The following ARB2A variants were observed in gnomAD, a reference collection of about 807,000 sequenced individuals.
ARB2A encodes the protein ARB2 cotranscriptional regulator A.
chr5:94,009,599 A>C, the ARB2A span, among the ~76,000 whole-genome samples: 1 of 152,126 alleles, frequency 6.6e-6, no homozygotes, highest in African/African-American at 2.4e-5. Context: ...AATTTACAAT[A>C]ACATTAGCAT....
the ARB2A span, among the ~76,000 whole-genome samples, chr5:93,699,282 A>G: frequency 1.3e-5 from 2 of 152,314 alleles, no homozygotes; most frequent in African/African-American, 4.8e-5. Flanking sequence ...TAATGAATAA[A>G]GCCCTCTAGG....
chr5:94,036,016 AT>A, the ARB2A span, among the ~76,000 whole-genome samples: 92 of 151,796 alleles, frequency 6.1e-4, no homozygotes, highest in African/African-American at 2.2e-3. Flanking sequence ...AAAAAATAAA[AT>A]TAAAAAAAAC....
the ARB2A span, among the ~76,000 whole-genome samples, chr5:93,653,985 G>T: frequency 6.6e-6 from 1 of 152,156 alleles, no homozygotes; most frequent in Admixed American, 6.5e-5. Flanking sequence ...TCCTGATTTT[G>T]CATTTTAAAA....
At chr5:93,696,568 A>G in the ARB2A span, among the ~76,000 whole-genome samples, 1 of 152,180 alleles carries the variant, frequency 6.6e-6, no homozygotes, top group African/African-American at 2.4e-5. Context: ...TGGAAGTATT[A>G]TATTAGAGCA....
At chr5:94,100,486 G>A in the ARB2A span, among the ~76,000 whole-genome samples, 1 of 151,874 alleles carries the variant, frequency 6.6e-6, no homozygotes, top group African/African-American at 2.4e-5. Flanking sequence ...CCAACACAAC[G>A]CTAAGCAAAA....
chr5:94,048,202 G>A, the ARB2A span, among the ~76,000 whole-genome samples: 1 of 151,766 alleles, frequency 6.6e-6, no homozygotes, highest in African/African-American at 2.4e-5. Context: ...TTACAGGGGC[G>A]CAACACCACA....
the ARB2A span, chr5:93,861,310 T>C: frequency 9.3e-3 from 1 of 108 alleles, no homozygotes; most frequent in African/African-American, 0.024. Flanking sequence ...CTTTTTTTCT[T>C]TTTTTTTTTT....
the ARB2A span, chr5:93,784,384 T>C: frequency 6.2e-7 from 1 of 1,612,030 alleles, no homozygotes; most frequent in Non-Finnish European, 8.5e-7. Flanking sequence ...AAGTCTCACC[T>C]CTCTCATCCA....
chr5:93,804,650 A>G, the ARB2A span, among the ~76,000 whole-genome samples: 1 of 151,726 alleles, frequency 6.6e-6, no homozygotes, highest in African/African-American at 2.4e-5. Flanking sequence ...TTATTAGCCA[A>G]TATATATATT....
At chr5:93,727,030 A>G in the ARB2A span, among the ~76,000 whole-genome samples, 1 of 152,004 alleles carries the variant, frequency 6.6e-6, no homozygotes, top group Non-Finnish European at 1.5e-5. Flanking sequence ...GTAGTGGGAG[A>G]GAGGGAGTTT....
At chr5:93,756,065 G>A in the ARB2A span, among the ~76,000 whole-genome samples, 1 of 152,166 alleles carries the variant, frequency 6.6e-6, no homozygotes, top group Non-Finnish European at 1.5e-5. Flanking sequence ...CAGCCCTTCA[G>A]TATGTGTGGG....
At chr5:93,907,318 C>T in the ARB2A span, among the ~76,000 whole-genome samples, 2 of 151,384 alleles carry the variant, frequency 1.3e-5, no homozygotes, top group East Asian at 3.9e-4. Context: ...AAGAAATCTG[C>T]ACACTTTTAA....
the ARB2A span, among the ~76,000 whole-genome samples, chr5:93,745,063 T>C: frequency 2.0e-5 from 3 of 152,212 alleles, no homozygotes; most frequent in Non-Finnish European, 4.4e-5. Flanking sequence ...GCAGAAATGC[T>C]AAAAAATAAA....
chr5:93,767,654 T>G, the ARB2A span, among the ~76,000 whole-genome samples: 1 of 151,948 alleles, frequency 6.6e-6, no homozygotes. Context: ...TAAGAAACTG[T>G]GGTGTGTATA....
chr5:93,994,188 C>A, the ARB2A span, among the ~76,000 whole-genome samples: 1 of 152,168 alleles, frequency 6.6e-6, no homozygotes, highest in Non-Finnish European at 1.5e-5. Context: ...GAACTGAAAC[C>A]AGAATCTCAA....
At chr5:93,936,482 T>C in the ARB2A span, among the ~76,000 whole-genome samples, 2 of 152,162 alleles carry the variant, frequency 1.3e-5, no homozygotes. Context: ...TGTTATACCA[T>C]CAACCAGTAA....
the ARB2A span, chr5:93,776,172 G>C: frequency 1.3e-4 from 216 of 1,608,276 alleles, no homozygotes; most frequent in African/African-American, 2.6e-3. Flanking sequence ...CTGAGACCCG[G>C]GGGCAATCAG....
At chr5:93,668,133 C>A in the ARB2A span, among the ~76,000 whole-genome samples, 2 of 152,092 alleles carry the variant, frequency 1.3e-5, no homozygotes, top group African/African-American at 2.4e-5. Context: ...TTTGAGATAG[C>A]GTCTCAGTCT....
the ARB2A span, among the ~76,000 whole-genome samples, chr5:93,933,982 G>C: frequency 6.6e-6 from 1 of 151,948 alleles, no homozygotes; most frequent in Non-Finnish European, 1.5e-5. Flanking sequence ...TTACAGCCTG[G>C]GTACAGAGCA....
Sources: gnomAD v4.1 joint callset for allele counts (sites outside exome capture counted in the v4.1 genomes callset) on GRCh38, gnomAD v4.1.1 for gene constraint, MANE v1.5 for transcripts, NCBI Gene and HGNC (gene_info 2026-07-23, HGNC 2026-07-21) for gene names.